Variants in HDAC1 observed in about 807,000 individuals in gnomAD.
The protein encoded by HDAC1 is histone deacetylase 1, also known as protein deacetylase HDAC1.
In HDAC1, 18 loss-of-function variants were observed where a neutral mutation model predicts 65.5. That is an observed-to-expected ratio of 0.27 (90% CI 0.19 to 0.41). HDAC1 has a LOEUF of 0.41. Ranked by LOEUF, HDAC1 falls within the 10% of genes least tolerant of loss-of-function variation. The pLI is 1.00. For synonymous variants in HDAC1, 211 were observed against 227.9 expected, an observed-to-expected ratio of 0.93 and a Z score of 0.67; for missense variants, 373 against 625.2, an observed-to-expected ratio of 0.60 and a Z score of 4.30.
Position 32,330,694 on chromosome 1 carries a change from C to T in HDAC1, c.838+8C>T, listed in dbSNP as rs1292206761. Reference sequence around the variant, plus strand: ...TCAATCTAACTATCAAAGGTGAGACCAGGTAGCACAAGGATGGGTGGGCGG... The same window carrying T: ...TCAATCTAACTATCAAAGGTGAGACTAGGTAGCACAAGGATGGGTGGGCGG... On this transcript the variant is annotated splice_region_variant and intron_variant, in intron 8 of 13. Transcript: ENST00000373548. The surrounding 1 kb of genome is among the most constrained non-coding windows in gnomAD (Gnocchi z 4.2). The T allele has an allele frequency of 1.9e-6, 3 of 1,613,374 alleles. No individual in the cohort carries two copies.
intron 12 of HDAC1, 65 bp from the exon 13 acceptor site, chr1:32,332,636 A>G (rs923711600): frequency 2.5e-6 from 3 of 1,195,994 alleles, no homozygotes; most frequent in Admixed American, 4.0e-5. Flanking sequence ...CTCAGGGTAA[A>G]TGAAGACCTC....
intron 2 of HDAC1, among the ~76,000 whole-genome samples, chr1:32,303,878 C>G (rs753387237): frequency 2.6e-5 from 4 of 152,062 alleles, no homozygotes; most frequent in Non-Finnish European, 5.9e-5. Context: ...AAAGTTAACC[C>G]AGAGTTTTTG....
At position 32,327,178 on chromosome 1, in the gene HDAC1, T is replaced by G; in HGVS notation, c.494+101T>G. The G allele has an allele frequency of 2.5e-6, 3 of 1,218,714 alleles. No homozygotes were observed. The Admixed American group carries it at 5.5e-5, about 22-fold the overall frequency. The allele number at this position is 1,218,714 out of a possible 1,614,324, so 75.5% of individuals were successfully genotyped here. A position where few individuals can be genotyped will look rare whatever the true frequency, so the allele number is the denominator to read the frequency against. ...CTCCCTAGTTTGCTTTTCCTACCGA[T>G]GTGCTGGCTAGGATGTGCTCGGTGA... On this transcript the variant is annotated intron_variant, in intron 5 of 13. Transcript: ENST00000373548. This position sits in a 1 kb window ranked among gnomAD's most constrained non-coding sequence, Gnocchi z 6.0.
rs756907221 is a variant in HDAC1, at chr1:32,329,073, C to T, written c.642C>T (p.Ile214=). 2.1e-5 allele frequency: 33 copies of T among 1,599,650 alleles called. No homozygotes were observed. The highest frequency in any genetic ancestry group is 1.6e-4 in the East Asian group (7 of 44,830). ...TTAATGGCCTTTTTAATTAGGATAT[C>T]GGGGCTGGCAAAGGCAAGTATTATG... ...YFPGTGDLRD[I]GAGKGKYYAV... The change falls in exon 7 of 14, where the codon ATC becomes ATT. Residue 214 remains isoleucine, a synonymous_variant. Coordinates refer to ENST00000373548, the MANE Select transcript of HDAC1 (RefSeq NM_004964.3). This position sits in a 1 kb window ranked among gnomAD's most constrained non-coding sequence, Gnocchi z 4.1.
chr1:32,331,822 A>AG lies in HDAC1; in HGVS notation c.1219+17dup. On this transcript the variant is annotated intron_variant, in intron 11 of 13. Coordinates refer to ENST00000373548, the MANE Select transcript of HDAC1 (RefSeq NM_004964.3). This position sits in a 1 kb window ranked among gnomAD's most constrained non-coding sequence, Gnocchi z 4.2. Reference sequence around the variant, plus strand: ...CGCATCTCGAGTGAGACCCAGACCTAGAGCCCTATGCCTTCCATTCAATAG... The same window carrying AG: ...CGCATCTCGAGTGAGACCCAGACCTAGGAGCCCTATGCCTTCCATTCAATAG... The AG allele has an allele frequency of 6.3e-7, 1 of 1,598,506 alleles. No homozygotes were observed. The highest frequency in any genetic ancestry group is 1.1e-5 in the South Asian group (1 of 89,332).
intron 3 of HDAC1, among the ~76,000 whole-genome samples, chr1:32,322,274 CTT>C (rs796152563): frequency 1.4e-5 from 2 of 144,328 alleles, no homozygotes; most frequent in Non-Finnish European, 1.5e-5. Context: ...TCAGCAGTTA[CTT>C]TTTTTTTTTT....
Position 32,331,467 on chromosome 1 carries a change from C to CA in HDAC1, c.980-5dup. On this transcript the variant is annotated splice_polypyrimidine_tract_variant and splice_region_variant and intron_variant, in intron 9 of 13. Transcript: ENST00000373548. The surrounding 1 kb of genome is among the most constrained non-coding windows in gnomAD (Gnocchi z 4.2). Reference sequence around the variant, plus strand: ...CTCTTGACGGTCTTCTCTCCTGCCCCAATCAGAGCTTCCATACAATGACTA... The same window carrying CA: ...CTCTTGACGGTCTTCTCTCCTGCCCCAAATCAGAGCTTCCATACAATGACTA... 1 of 1,556,316 alleles carries CA rather than the reference C, an allele frequency of 6.4e-7. No homozygotes were observed. Among genetic ancestry groups the CA allele is most frequent in the Non-Finnish European group, 8.9e-7 (1 of 1,127,506 alleles).
chr1:32,304,072 G>A (rs138946032), intron 2 of HDAC1, among the ~76,000 whole-genome samples: 2 of 152,324 alleles, frequency 1.3e-5, no homozygotes, highest in African/African-American at 2.4e-5. Context: ...GGCTAGGTAA[G>A]TGGCTGTTAC....
intron 1 of HDAC1, among the ~76,000 whole-genome samples, chr1:32,301,218 G>T (rs537031950): frequency 6.6e-6 from 1 of 151,762 alleles, no homozygotes; most frequent in Admixed American, 6.6e-5. Context: ...AGGCCGAGGC[G>T]GGCAGATCAC....
In HDAC1 at chr1:32,333,179, C is replaced by G; in HGVS notation, c.*135C>G. The G allele has an allele frequency of 1.4e-6, 1 of 727,630 alleles. No individual in the cohort carries two copies. The allele number at this position is 727,630 out of a possible 1,614,324, so 45.1% of individuals were successfully genotyped here. ...TATAAATATCCCCAGGGACAGAAAC[C>G]AAGGCCCCGAGCTCAGGGCAGCTGT... On this transcript the variant is annotated 3_prime_UTR_variant, in exon 14 of 14. Transcript: ENST00000373548.
At chr1:32,316,283 C>CAAAAAAAAAAAAAAAGAAAAA (rs879826419) in intron 2 of HDAC1, among the ~76,000 whole-genome samples, 1 of 139,396 alleles carries the variant, frequency 7.2e-6, no homozygotes, top group African/African-American at 2.9e-5. Context: ...GACTCCGTCT[C>CAAAAAAAAAAAAAAAGAAAAA]AAAAAAAAAA....
intron 4 of HDAC1, 113 bp from the exon 5 acceptor site, chr1:32,326,825 AC>A: frequency 1.9e-6 from 2 of 1,065,022 alleles, no homozygotes; most frequent in Non-Finnish European, 2.8e-6. Context: ...TATGAATTGC[AC>A]AATACAGCTG....
At chr1:32,313,587 A>G (rs1641019747) in intron 2 of HDAC1, among the ~76,000 whole-genome samples, 1 of 152,226 alleles carries the variant, frequency 6.6e-6, no homozygotes, top group Non-Finnish European at 1.5e-5. Context: ...TTGGCTGTGT[A>G]TTGAAAATGC....
At position 32,331,735 on chromosome 1, in the gene HDAC1, C is replaced by T. The variant is rs551994577; in HGVS notation, c.1148C>T (p.Ala383Val). Reference sequence around the variant, plus strand: ...CACGCACCTGGGGTCCAAATGCAGGCGATTCCTGAGGACGCCATCCCTGAG... The same window carrying T: ...CACGCACCTGGGGTCCAAATGCAGGTGATTCCTGAGGACGCCATCCCTGAG... Reference protein sequence around the residue: ...LPHAPGVQMQAIPEDAIPEES... With the variant: ...LPHAPGVQMQVIPEDAIPEES... Residue 383 changes from alanine to valine, a missense_variant, in exon 11 of 14, where the codon GCG (alanine) becomes GTG (valine). Physicochemically the swap from Ala to Val is moderately conservative, Grantham distance 64. Transcript: ENST00000373548. This position sits in a 1 kb window ranked among gnomAD's most constrained non-coding sequence, Gnocchi z 4.2. The T allele has an allele frequency of 7.4e-5, 119 of 1,614,066 alleles. 1 individual carries two copies. The highest frequency in any genetic ancestry group is 5.5e-4 in the Admixed American group (33 of 60,008).
rs146800906 is a variant in HDAC1, at chr1:32,319,918, A to T, written c.280+3136A>T. On this transcript the variant is annotated intron_variant, in intron 3 of 13. Coordinates refer to ENST00000373548, the MANE Select transcript of HDAC1 (RefSeq NM_004964.3). ...CAACATAGCAAGAACTCGTCTCAATAAAAAAAAAACACACATGGCCAGGCG... is the reference window on the plus strand; with the variant it reads ...CAACATAGCAAGAACTCGTCTCAATTAAAAAAAAACACACATGGCCAGGCG... Among the ~76,000 whole-genome samples, 972 of 147,200 alleles carry T rather than the reference A, an allele frequency of 6.6e-3. 7 individuals are homozygous for T. The highest frequency in any genetic ancestry group is 0.023 in the African/African-American group (921 of 40,370).
intron 2 of HDAC1, among the ~76,000 whole-genome samples, chr1:32,314,566 C>T (rs1641032719): frequency 6.6e-6 from 1 of 151,966 alleles, no homozygotes; most frequent in African/African-American, 2.4e-5. Context: ...GTGGCTCATG[C>T]CTGTAATCCC....
At chr1:32,300,052 T>C (rs1388029215) in intron 1 of HDAC1, among the ~76,000 whole-genome samples, 1 of 150,790 alleles carries the variant, frequency 6.6e-6, no homozygotes, top group East Asian at 2.0e-4. Flanking sequence ...AGCGAGACTC[T>C]GTCTCAAAAA....
chr1:32,327,006 T>C lies in HDAC1; in HGVS notation c.423T>C (p.His141=). 2.5e-6 allele frequency: 4 copies of C among 1,614,174 alleles called. No homozygotes were observed. Among genetic ancestry groups the C allele is most frequent in the Non-Finnish European group, 3.4e-6 (4 of 1,180,018 alleles). The change falls in exon 5 of 14, where the codon CAT becomes CAC. Residue 141 remains histidine (H), a synonymous_variant. Coordinates refer to ENST00000373548, the MANE Select transcript of HDAC1 (RefSeq NM_004964.3). The surrounding 1 kb of genome is among the most constrained non-coding windows in gnomAD (Gnocchi z 6.0). Reference sequence around the variant, plus strand: ...TGAATTGGGCTGGGGGCCTGCACCATGCAAAGAAGTCCGAGGCATCTGGCT... The same window carrying C: ...TGAATTGGGCTGGGGGCCTGCACCACGCAAAGAAGTCCGAGGCATCTGGCT... ...IAVNWAGGLH[H]AKKSEASGFC...
chr1:32,331,430 C>CGGTGGCCAGGTCTCTTGA lies in HDAC1; in HGVS notation c.980-43_980-26dup. The CGGTGGCCAGGTCTCTTGA allele has an allele frequency of 9.1e-7, 1 of 1,100,544 alleles. No homozygotes were observed. The highest frequency in any genetic ancestry group is 1.4e-6 in the Non-Finnish European group (1 of 712,576). The allele number at this position is 1,100,544 out of a possible 1,614,324, so 68.2% of individuals were successfully genotyped here. On this transcript the variant is annotated intron_variant, in intron 9 of 13. Transcript: ENST00000373548. The surrounding 1 kb of genome is among the most constrained non-coding windows in gnomAD (Gnocchi z 4.2). The stretch of plus-strand genomic sequence containing the variant: ...TGCTTACGTGCAAATGGTTAGGGTG[C>CGGTGGCCAGGTCTCTTGA]GGTGGCCAGGTCTCTTGACGGTCTT...
Sources: gnomAD v4.1 joint callset for allele counts (sites outside exome capture counted in the v4.1 genomes callset) on GRCh38, gnomAD v4.1.1 for gene constraint, Gnocchi (gnomAD v3.1) non-coding constraint, MANE v1.5 for transcripts, NCBI Gene and HGNC (gene_info 2026-07-23, HGNC 2026-07-21) for gene names.